Variants in NUP214 observed in about 807,000 individuals in gnomAD.
NUP214 encodes nucleoporin 214, also known as nuclear pore complex protein Nup214.
Under a neutral mutation model 196.2 loss-of-function variants are expected in NUP214, and 79 were observed. That is an observed-to-expected ratio of 0.40 (90% CI 0.34 to 0.49). The LOEUF (loss-of-function observed/expected upper bound fraction) is 0.49, where lower values mean the gene tolerates loss of function less well. NUP214 is among the 20% of genes least tolerant of loss of function. The probability of loss-of-function intolerance (pLI) is 0.58; values close to 1 mark genes in which losing one functional copy is unlikely to be tolerated. For synonymous variants in NUP214, 1,020 were observed against 990.5 expected (o/e 1.03, Z -0.56); for missense variants, 2,468 against 2,539.0 (o/e 0.97, Z 0.60).
Position 131,223,711 on chromosome 9 carries a change from T to TTTTATTTATTTATTTATTTTTA in NUP214, c.5902+802_5902+803insATTTATTTATTTATTTATTTTT. 9.9e-4 allele frequency among the ~76,000 whole-genome samples: 27 copies of TTTTATTTATTTATTTATTTTTA among 27,148 alleles called. 1 individual carries two copies. The highest frequency in any genetic ancestry group is 1.4e-3 in the Non-Finnish European group (17 of 12,458). The allele number at this position is 27,148 out of a possible 152,430, so 17.8% of individuals were successfully genotyped here. On this transcript the variant is annotated intron_variant, in intron 32 of 35. Coordinates refer to ENST00000359428, the MANE Select transcript of NUP214 (RefSeq NM_005085.4). ...CTTTCGCAAATCACTTTTTTTTTAT[T>TTTTATTTATTTATTTATTTTTA]TTTATTTATTTATTTATTTTTTTTT...
intron 4 of NUP214, among the ~76,000 whole-genome samples, chr9:131,129,796 G>T (rs192518073): frequency 1.2e-4 from 19 of 152,118 alleles, no homozygotes; most frequent in African/African-American, 4.3e-4. Flanking sequence ...TAGAGACAAG[G>T]TTTCACCATG....
intron 24 of NUP214, among the ~76,000 whole-genome samples, chr9:131,179,218 T>C (rs1833199259): frequency 6.6e-6 from 1 of 152,084 alleles, no homozygotes; most frequent in Non-Finnish European, 1.5e-5. Context: ...CCCAGGCTGG[T>C]CTCAAATTTC....
At chr9:131,158,863 C>G (rs1023089939) in intron 17 of NUP214, 9 of 152,662 alleles carry the variant, frequency 5.9e-5, no homozygotes, top group Non-Finnish European at 1.5e-5. Flanking sequence ...TCCCCTGCCT[C>G]AGCCTCCTGA....
At position 131,159,241 on chromosome 9, in the gene NUP214, C is replaced by A. The variant is rs115967576; in HGVS notation, c.2437-142C>A. On this transcript the variant is annotated intron_variant, in intron 17 of 35. Coordinates refer to ENST00000359428, the MANE Select transcript of NUP214 (RefSeq NM_005085.4). ...ATTTTAATTATATAGTTTTAAAAAT[C>A]GTATTAAAACCTATTCTGTTTTCCT... 490 of 637,028 alleles carry A rather than the reference C, an allele frequency of 7.7e-4. 5 individuals are homozygous for A. In the African/African-American group the frequency reaches 8.1e-3, roughly 11 times the overall value. 39.5% of individuals were successfully genotyped at this position (637,028 alleles called of 1,614,324 possible).
In NUP214 at chr9:131,223,727, A is replaced by ATTTATTTATTTTT; in HGVS notation, c.5902+800_5902+801insATTTATTTTTTTT. Among the ~76,000 whole-genome samples, 6 of 15,660 alleles carry ATTTATTTATTTTT rather than the reference A, an allele frequency of 3.8e-4. 2 individuals carry two copies. Among genetic ancestry groups the ATTTATTTATTTTT allele is most frequent in the African/African-American group, 4.5e-4 (3 of 6,618 alleles). 10.3% of individuals were successfully genotyped at this position (15,660 alleles called of 152,430 possible). A position where few individuals can be genotyped will look rare whatever the true frequency, so the allele number is the denominator to read the frequency against. Reference sequence around the variant, plus strand: ...TTTTTTTATTTTTATTTATTTATTTATTTTTTTTTTTTTTTTTTTTTTTTT... The same window carrying ATTTATTTATTTTT: ...TTTTTTTATTTTTATTTATTTATTTATTTATTTATTTTTTTTTTTTTTTTTTTTTTTTTTTTTT... On this transcript the variant is annotated intron_variant, in intron 32 of 35. Coordinates refer to ENST00000359428, the MANE Select transcript of NUP214 (RefSeq NM_005085.4).
chr9:131,194,351 T>G (rs1266953157), intron 27 of NUP214: 1 of 152,222 alleles, frequency 6.6e-6, no homozygotes, highest in Non-Finnish European at 1.5e-5. Context: ...GTTTTTTAAT[T>G]TTTCGGTTTT....
At chr9:131,139,948 A>G (rs1196230729) in intron 10 of NUP214, among the ~76,000 whole-genome samples, 1 of 152,214 alleles carries the variant, frequency 6.6e-6, no homozygotes, top group Non-Finnish European at 1.5e-5. Context: ...AGTCTTTGCC[A>G]TCTGGTACTT....
At chr9:131,213,434 C>G (rs1834303019) in intron 30 of NUP214, among the ~76,000 whole-genome samples, 1 of 152,160 alleles carries the variant, frequency 6.6e-6, no homozygotes, top group Admixed American at 6.5e-5. Flanking sequence ...CTCGGCCTCC[C>G]AAAGTGCTGG....
intron 26 of NUP214, 69 bp from the exon 27 acceptor site, chr9:131,192,139 G>A: frequency 9.4e-7 from 1 of 1,058,916 alleles, no homozygotes; most frequent in Non-Finnish European, 1.3e-6. Flanking sequence ...ATTATACACT[G>A]GAACAGTGTT....
At chr9:131,219,211 G>T (rs1003308096) in intron 31 of NUP214, among the ~76,000 whole-genome samples, 2 of 152,162 alleles carry the variant, frequency 1.3e-5, no homozygotes, top group Admixed American at 6.5e-5. Flanking sequence ...AGGAAAATCA[G>T]GTCCAAGAGG....
At chr9:131,185,383 C>A (rs1489716293) in intron 24 of NUP214, among the ~76,000 whole-genome samples, 1 of 152,212 alleles carries the variant, frequency 6.6e-6, no homozygotes, top group Non-Finnish European at 1.5e-5. Flanking sequence ...GAAGCAGGAA[C>A]TTTAGTGTTG....
intron 24 of NUP214, among the ~76,000 whole-genome samples, chr9:131,183,423 T>A (rs1303155024): frequency 6.6e-6 from 1 of 152,196 alleles, no homozygotes; most frequent in East Asian, 1.9e-4. Flanking sequence ...AAGAAAAAAG[T>A]TTACATGTTT....
intron 31 of NUP214, among the ~76,000 whole-genome samples, chr9:131,220,231 C>T (rs183694495): frequency 2.0e-5 from 3 of 152,180 alleles, no homozygotes; most frequent in Admixed American, 6.5e-5. Flanking sequence ...TTGTTCGGTC[C>T]GCCAAGATAT....
intron 1 of NUP214, among the ~76,000 whole-genome samples, chr9:131,126,732 T>C (rs147220855): frequency 1.4e-4 from 21 of 152,128 alleles, no homozygotes; most frequent in African/African-American, 5.1e-4. Flanking sequence ...TATCATTTGG[T>C]AGAGACTGGG....
intron 23 of NUP214, among the ~76,000 whole-genome samples, chr9:131,176,887 A>G (rs1285944500): frequency 6.6e-6 from 1 of 152,114 alleles, no homozygotes; most frequent in African/African-American, 2.4e-5. Flanking sequence ...TCCACCCCTG[A>G]AACAGTTGGC....
intron 1 of NUP214, chr9:131,126,355 C>T (rs958448588): frequency 6.5e-6 from 1 of 152,818 alleles, no homozygotes; most frequent in Non-Finnish European, 1.5e-5. Context: ...ACGTGGGAGT[C>T]CCCCAGGGAT....
chr9:131,230,516 C>T, intron 33 of NUP214, 114 bp from the exon 34 acceptor site: 5 of 1,296,004 alleles, frequency 3.9e-6, no homozygotes, highest in Admixed American at 3.8e-5. Context: ...CAGCCTGTCA[C>T]CCTGGATCAT....
chr9:131,220,114 C>T (rs1165173346), intron 31 of NUP214, among the ~76,000 whole-genome samples: 1 of 152,216 alleles, frequency 6.6e-6, no homozygotes, highest in Non-Finnish European at 1.5e-5. Context: ...TTTACCTGTA[C>T]TTGGCACCCC....
At chr9:131,143,808 G>A (rs1025125690) in intron 11 of NUP214, among the ~76,000 whole-genome samples, 7 of 151,156 alleles carry the variant, frequency 4.6e-5, no homozygotes, top group Non-Finnish European at 1.0e-4. Context: ...CTCCCTTTGC[G>A]ATTGTTTTTT....
Sources: gnomAD v4.1 joint callset for allele counts (sites outside exome capture counted in the v4.1 genomes callset) on GRCh38, gnomAD v4.1.1 for gene constraint, MANE v1.5 for transcripts, NCBI Gene and HGNC (gene_info 2026-07-23, HGNC 2026-07-21) for gene names.